STAB2: variants seen among roughly 807,000 people sequenced by gnomAD.
STAB2 encodes stabilin-2.
STAB2 carries 288 observed loss-of-function variants against 338.1 expected under a neutral mutation model. The ratio of observed to expected loss-of-function variants is 0.85; its 90% CI spans 0.77 to 0.94. The LOEUF (loss-of-function observed/expected upper bound fraction) is 0.94, where lower values mean the gene tolerates loss of function less well. Among genes scored for constraint, STAB2 ranks in the 40% least tolerant of loss-of-function variants. The probability of loss-of-function intolerance (pLI) is 0.00; values close to 1 mark genes in which losing one functional copy is unlikely to be tolerated. For missense variants in STAB2, 3,141 were observed against 3,210.1 expected (o/e 0.98, Z 0.52); for synonymous variants, 1,202 against 1,193.3 (o/e 1.01, Z -0.15).
intron 61 of STAB2, 90 bp downstream of exon 61, chr12:103,753,443 T>C (rs1362626420): frequency 6.3e-7 from 1 of 1,576,272 alleles, no homozygotes; most frequent in Non-Finnish European, 8.7e-7. Flanking sequence ...CTTGAGCTGT[T>C]GCCTTCAAGC....
intron 25 of STAB2, 76 bp downstream of exon 25, chr12:103,677,687 G>T (rs1008693130): frequency 1.3e-6 from 2 of 1,531,288 alleles, no homozygotes; most frequent in African/African-American, 2.7e-5. Flanking sequence ...GGACACAGAA[G>T]TACTTTGGCT....
intron 63 of STAB2, 149 bp from the exon 64 acceptor site, chr12:103,758,021 C>A (rs1400637641): frequency 2.6e-6 from 3 of 1,167,628 alleles, no homozygotes; most frequent in Admixed American, 4.9e-5. Flanking sequence ...TCCCACGGCG[C>A]AGGCAGAAGA....
intron 38 of STAB2, among the ~76,000 whole-genome samples, chr12:103,707,429 G>C (rs889129512): frequency 6.6e-6 from 1 of 152,218 alleles, no homozygotes; most frequent in Non-Finnish European, 1.5e-5. Context: ...GAGGTTGAAT[G>C]ACTTCCCCCA....
chr12:103,737,574 TTCTC>T (rs10558320), intron 52 of STAB2, 56 bp from the exon 53 acceptor site: 212,839 of 1,013,264 alleles, frequency 0.21, 17,061 homozygotes, highest in Middle Eastern at 0.28. Flanking sequence ...GATTGACTGT[TTCTC>T]TCTCTCTCTC....
rs1438763016 is a variant in STAB2, at chr12:103,755,343, G to A, written c.6756G>A (p.Gly2252=). ...GCTCAGCAGGCTGGCTGGAGACCGGGCGGGTTGCCTACCCCACAGCCTTCG... is the reference window on the plus strand; with the variant it reads ...GCTCAGCAGGCTGGCTGGAGACCGGACGGGTTGCCTACCCCACAGCCTTCG... ...HLCSAGWLET[G]RVAYPTAFAS... is the part of the protein sequence containing the mutation. Residue 2252 remains glycine, a synonymous_variant, in exon 62 of 69, where the codon GGG becomes GGA. Transcript: ENST00000388887. 2.5e-6 allele frequency: 4 copies of A among 1,614,046 alleles called. No homozygotes were observed. Among genetic ancestry groups the A allele is most frequent in the African/African-American group, 2.7e-5 (2 of 74,942 alleles).
chr12:103,740,740 C>G lies in STAB2; in HGVS notation c.5865C>G (p.Phe1955Leu). The change falls in exon 55 of 69, where the codon TTC becomes TTG. Residue 1955 changes from phenylalanine to leucine, a missense_variant. Transcript: ENST00000388887. Reference sequence around the variant, plus strand: ...TCCCCAGGTGCTGCAAGGGCTACTTCGGGCGAGACTGTCAGGGTGAGGGTG... The same window carrying G: ...TCCCCAGGTGCTGCAAGGGCTACTTGGGGCGAGACTGTCAGGGTGAGGGTG... ...IQIPRCCKGY[F>L]GRDCQACPGG... 6.3e-7 allele frequency: 1 copy of G among 1,588,128 alleles called. No individual in the cohort carries two copies. Among genetic ancestry groups the G allele is most frequent in the Admixed American group, 1.9e-5 (1 of 53,048 alleles).
At chr12:103,731,425 TG>T in intron 49 of STAB2, 150 bp from the exon 50 acceptor site, 1 of 677,554 alleles carries the variant, frequency 1.5e-6, no homozygotes, top group Non-Finnish European at 2.4e-6. Context: ...CAGAAAAGCG[TG>T]GTCAGAAGAG....
chr12:103,654,937 A>G (rs1300040570), intron 13 of STAB2: 1 of 555,504 alleles, frequency 1.8e-6, no homozygotes, highest in Non-Finnish European at 3.0e-6. Context: ...TACCTCTTTT[A>G]TTACTGCATC....
intron 44 of STAB2, among the ~76,000 whole-genome samples, chr12:103,722,901 C>T (rs2139046322): frequency 6.6e-6 from 1 of 152,280 alleles, no homozygotes; most frequent in East Asian, 1.9e-4. Context: ...ACATCACCCT[C>T]AGATAGAAGC....
At chr12:103,702,556 C>T (rs138400256) in intron 34 of STAB2, among the ~76,000 whole-genome samples, 9,942 of 152,220 alleles carry the variant, frequency 0.065, 522 homozygotes, top group African/African-American at 0.15. Context: ...GCCTCGGCCT[C>T]CCAAAGTGCT....
intron 19 of STAB2, 170 bp from the exon 20 acceptor site, chr12:103,668,473 A>C: frequency 3.3e-6 from 2 of 604,920 alleles, no homozygotes; most frequent in Non-Finnish European, 3.0e-6. Flanking sequence ...GGCCTAAAAA[A>C]GGGTGTCCAA....
intron 44 of STAB2, among the ~76,000 whole-genome samples, chr12:103,719,529 C>T (rs1566045276): frequency 2.0e-5 from 3 of 152,220 alleles, no homozygotes; most frequent in Non-Finnish European, 4.4e-5. Flanking sequence ...TCCTTCCTTT[C>T]CTCTTCCAGC....
In STAB2 at chr12:103,662,953, G is replaced by A. The variant is rs757704656; in HGVS notation, c.1977G>A (p.Pro659=). 1.1e-5 allele frequency: 18 copies of A among 1,613,990 alleles called. No homozygotes were observed. Among genetic ancestry groups the A allele is most frequent in the East Asian group, 2.2e-5 (1 of 44,898 alleles). The change falls in exon 18 of 69, where the codon CCG becomes CCA. Residue 659 remains proline, a synonymous_variant. Transcript: ENST00000388887. ...TTCTCATTCCTCCCTCCATTGTCCC[G>A]ATTCTGCCCCATCGATGTGATGAAA... The part of the protein sequence containing the change: ...TGVLIPPSIV[P]ILPHRCDETK...
At chr12:103,750,309 G>C (rs1205427351) in intron 59 of STAB2, among the ~76,000 whole-genome samples, 1 of 152,244 alleles carries the variant, frequency 6.6e-6, no homozygotes, top group Non-Finnish European at 1.5e-5. Flanking sequence ...AGGCCAATGT[G>C]ATAGAAGGGA....
chr12:103,742,516 A>T lies in STAB2; in HGVS notation c.5993A>T (p.Glu1998Val). The change falls in exon 56 of 69, where the codon GAG (glutamate) becomes GTG (valine). Residue 1998 changes from glutamate (E) to valine (V), a missense_variant. By Grantham distance (121) the Glu-to-Val change is moderately radical. Coordinates refer to ENST00000388887, the MANE Select transcript of STAB2 (RefSeq NM_017564.10). ...ACCGGCTTCAATGGGACGGCGTGTGAGATGTGCTGGCCGGGGAGATTCGGG... is the reference window on the plus strand; with the variant it reads ...ACCGGCTTCAATGGGACGGCGTGTGTGATGTGCTGGCCGGGGAGATTCGGG... ...CNTGFNGTAC[E>V]MCWPGRFGPD... 6.2e-7 allele frequency: 1 copy of T among 1,613,960 alleles called. No individual in the cohort carries two copies. The highest frequency in any genetic ancestry group is 1.3e-5 in the African/African-American group (1 of 74,960).
At chr12:103,632,639 G>A (rs1042993510) in intron 6 of STAB2, among the ~76,000 whole-genome samples, 12 of 152,218 alleles carry the variant, frequency 7.9e-5, no homozygotes, top group African/African-American at 2.9e-4. Context: ...GTCAGCCACT[G>A]AGGAACTCTG....
At chr12:103,620,111 C>A (rs1957275052) in intron 3 of STAB2, among the ~76,000 whole-genome samples, 1 of 152,184 alleles carries the variant, frequency 6.6e-6, no homozygotes, top group Non-Finnish European at 1.5e-5. Context: ...AACTGTGAGA[C>A]CTTGGGTGAG....
At position 103,680,850 on chromosome 12, in the gene STAB2, G is replaced by A. The variant is rs987211052; in HGVS notation, c.2806-2355G>A. Reference sequence around the variant, plus strand: ...AGAACAGATGCTAGCCAGACAAAATGAAACAGATGTTCCCTTATCTATTCA... The same window carrying A: ...AGAACAGATGCTAGCCAGACAAAATAAAACAGATGTTCCCTTATCTATTCA... On this transcript the variant is annotated intron_variant, in intron 25 of 68. Coordinates refer to ENST00000388887, the MANE Select transcript of STAB2 (RefSeq NM_017564.10). 3.3e-5 allele frequency among the ~76,000 whole-genome samples: 5 copies of A among 152,214 alleles called. No individual in the cohort carries two copies. The East Asian group carries it at 5.8e-4, about 18-fold the overall frequency.
At chr12:103,719,328 A>C (rs1880574000) in intron 44 of STAB2, among the ~76,000 whole-genome samples, 1 of 152,186 alleles carries the variant, frequency 6.6e-6, no homozygotes, top group Admixed American at 6.5e-5. Flanking sequence ...ATGAGGTAAG[A>C]ACTGTTATTA....
Sources: gnomAD v4.1 joint callset for allele counts (sites outside exome capture counted in the v4.1 genomes callset) on GRCh38, gnomAD v4.1.1 for gene constraint, MANE v1.5 for transcripts, NCBI Gene and HGNC (gene_info 2026-07-23, HGNC 2026-07-21) for gene names.